BCL2: variants seen among roughly 807,000 people sequenced by gnomAD.
The protein encoded by BCL2 is apoptosis regulator Bcl-2.
BCL2 carries 1 observed loss-of-function variant against 14.2 expected under a neutral mutation model. The observed-to-expected ratio is 0.07, with a 90% confidence interval of 0.02 to 0.33. The LOEUF (loss-of-function observed/expected upper bound fraction) is 0.33. Ranked by LOEUF, BCL2 falls within the 10% of genes least tolerant of loss-of-function variation. BCL2 has a pLI of 0.99. For synonymous variants in BCL2, 151 were observed against 137.2 expected, an observed-to-expected ratio of 1.10 and a Z score of -0.70; for missense variants, 247 against 305.9, an observed-to-expected ratio of 0.81 and a Z score of 1.44.
intron 2 of BCL2, chr18:63,302,945 T>TCAA: frequency 1.3e-5 from 12 of 940,578 alleles, no homozygotes; most frequent in Non-Finnish European, 1.5e-5. Context: ...TGATACGCCC[T>TCAA]GGTTGCTGAA....
intron 2 of BCL2, among the ~76,000 whole-genome samples, chr18:63,297,876 G>A (rs907461758): frequency 3.3e-5 from 5 of 152,138 alleles, no homozygotes; most frequent in African/African-American, 1.2e-4. Context: ...CTCTCAAGTG[G>A]CTGCTTCTAA....
intron 2 of BCL2, among the ~76,000 whole-genome samples, chr18:63,133,015 G>A (rs1914111045): frequency 6.6e-6 from 1 of 152,222 alleles, no homozygotes; most frequent in Non-Finnish European, 1.5e-5. Context: ...ATGAGGAGGA[G>A]ATGGGCAGGG....
chr18:63,168,976 G>A (rs1479055157), intron 2 of BCL2, among the ~76,000 whole-genome samples: 1 of 152,208 alleles, frequency 6.6e-6, no homozygotes, highest in East Asian at 1.9e-4. Flanking sequence ...GGTCTTAACT[G>A]TATTTGATGA....
intron 2 of BCL2, among the ~76,000 whole-genome samples, chr18:63,268,936 G>A (rs1331271864): frequency 5.3e-5 from 8 of 151,660 alleles, no homozygotes; most frequent in Middle Eastern, 3.4e-3. Flanking sequence ...ATTATTATTC[G>A]GTCTTTTTTT....
intron 2 of BCL2, among the ~76,000 whole-genome samples, chr18:63,130,787 CT>C (rs1291740894): frequency 2.0e-5 from 3 of 152,004 alleles, no homozygotes; most frequent in Non-Finnish European, 4.4e-5. Context: ...TGTTCAGTTG[CT>C]TTTTTGAAAC....
At chr18:63,158,215 A>T (rs899103346) in intron 2 of BCL2, among the ~76,000 whole-genome samples, 3 of 152,022 alleles carry the variant, frequency 2.0e-5, no homozygotes, top group Non-Finnish European at 4.4e-5. Flanking sequence ...GGGAGTGAGG[A>T]AGTAATAGGG....
At chr18:63,185,445 G>A (rs983777205) in intron 2 of BCL2, among the ~76,000 whole-genome samples, 1 of 152,236 alleles carries the variant, frequency 6.6e-6, no homozygotes, top group African/African-American at 2.4e-5. Flanking sequence ...CCCTGCAAGG[G>A]AAAGGATGAG....
chr18:63,164,977 C>T (rs1159452785), intron 2 of BCL2, among the ~76,000 whole-genome samples: 2 of 152,088 alleles, frequency 1.3e-5, no homozygotes, highest in Admixed American at 6.5e-5. Flanking sequence ...TGCTAGATGA[C>T]GAGTTAGTTG....
intron 2 of BCL2, chr18:63,302,478 C>T (rs1420263940): frequency 1.0e-6 from 1 of 985,340 alleles, no homozygotes; most frequent in Non-Finnish European, 1.2e-6. Context: ...TCCTTTTTGG[C>T]TTCCTTATGA....
intron 2 of BCL2, among the ~76,000 whole-genome samples, chr18:63,296,591 AC>A (rs1912802154): frequency 6.6e-6 from 1 of 152,212 alleles, no homozygotes; most frequent in South Asian, 2.1e-4. Flanking sequence ...GGCATGAGCC[AC>A]CACGTCCACC....
intron 2 of BCL2, among the ~76,000 whole-genome samples, chr18:63,156,546 A>C (rs1404378349): frequency 6.6e-6 from 1 of 152,132 alleles, no homozygotes; most frequent in African/African-American, 2.4e-5. Context: ...GTGCTACCCA[A>C]ATGCCCAACA....
intron 2 of BCL2, among the ~76,000 whole-genome samples, chr18:63,177,446 G>A (rs567285375): frequency 1.3e-5 from 2 of 152,264 alleles, no homozygotes; most frequent in Admixed American, 6.5e-5. Flanking sequence ...CAGGTTCCCC[G>A]CGTGCTAATA....
rs149539712 is a variant in BCL2 at position 63,248,359 on chromosome 18, G to A, written c.585+69723C>T. 5.9e-5 allele frequency among the ~76,000 whole-genome samples: 9 copies of A among 152,342 alleles called. No homozygotes were observed. The East Asian group carries it at 1.5e-3, about 26-fold the overall frequency. The stretch of plus-strand genomic sequence containing the variant: ...CGTCAGGTTCTGCCAACATTGAGAT[G>A]CCATGTCCTTCACAGTAAAGCAAGG... On this transcript the variant is annotated intron_variant, in intron 2 of 2. Transcript: ENST00000333681.
chr18:63,145,957 A>G (rs1914500315), intron 2 of BCL2, among the ~76,000 whole-genome samples: 2 of 152,152 alleles, frequency 1.3e-5, no homozygotes, highest in African/African-American at 4.8e-5. Flanking sequence ...CAGGTCCCCA[A>G]GATCCCCCAA....
At chr18:63,207,016 T>A (rs1490027143) in intron 2 of BCL2, among the ~76,000 whole-genome samples, 1 of 152,144 alleles carries the variant, frequency 6.6e-6, no homozygotes, top group East Asian at 1.9e-4. Context: ...CAGAGAGGGC[T>A]CGTGGTGAGC....
chr18:63,275,129 T>A (rs1373362116), intron 2 of BCL2, among the ~76,000 whole-genome samples: 1 of 151,686 alleles, frequency 6.6e-6, no homozygotes, highest in Non-Finnish European at 1.5e-5. Context: ...ATGTCTGTAA[T>A]CCCTGTACTT....
intron 2 of BCL2, among the ~76,000 whole-genome samples, chr18:63,135,431 A>G (rs575859787): frequency 1.6e-4 from 24 of 152,256 alleles, no homozygotes; most frequent in Non-Finnish European, 2.8e-4. Flanking sequence ...CCACCTAGCA[A>G]TTCTTTATTC....
chr18:63,264,087 G>A (rs1911745721), intron 2 of BCL2, among the ~76,000 whole-genome samples: 1 of 152,170 alleles, frequency 6.6e-6, no homozygotes. Context: ...AATCTTAAAT[G>A]GAATAGTATA....
At chr18:63,146,807 T>A (rs1228777886) in intron 2 of BCL2, among the ~76,000 whole-genome samples, 1 of 152,030 alleles carries the variant, frequency 6.6e-6, no homozygotes, top group Non-Finnish European at 1.5e-5. Context: ...TTTAAGAAAT[T>A]TTTGATCCCC....
Sources: allele counts gnomAD v4.1 joint callset (sites outside exome capture counted in the v4.1 genomes callset), GRCh38; gene constraint gnomAD v4.1.1; transcripts MANE v1.5; gene names NCBI Gene and HGNC (gene_info 2026-07-23, HGNC 2026-07-21).